STXBP5L: variants seen among roughly 807,000 people sequenced by gnomAD.
The protein encoded by STXBP5L is syntaxin-binding protein 5-like.
In STXBP5L, 65 loss-of-function variants were observed where a neutral mutation model predicts 144.5. The observed-to-expected ratio is 0.45, with a 90% CI of 0.37 to 0.55. The LOEUF is 0.55. Among genes scored for constraint, STXBP5L ranks in the 20% least tolerant of loss-of-function variants. The probability of loss-of-function intolerance (pLI) is 0.00; values close to 1 mark genes in which losing one functional copy is unlikely to be tolerated. For missense variants in STXBP5L, 1,298 were observed against 1,405.5 expected, an observed-to-expected ratio of 0.92 and a Z score of 1.22; for synonymous variants, 505 against 469.6, an observed-to-expected ratio of 1.08 and a Z score of -0.97.
intron 22 of STXBP5L, among the ~76,000 whole-genome samples, chr3:121,404,576 C>T (rs1215051313): frequency 6.6e-6 from 1 of 152,116 alleles, no homozygotes; most frequent in Non-Finnish European, 1.5e-5. Context: ...TGTGGCTCTA[C>T]TTTATCTCTC....
At chr3:120,915,143 G>C (rs140423338) in intron 2 of STXBP5L, among the ~76,000 whole-genome samples, 1 of 152,026 alleles carries the variant, frequency 6.6e-6, no homozygotes, top group Admixed American at 6.5e-5. Context: ...AAACAGTGCC[G>C]TCATACTTTT....
At chr3:121,333,703 C>T (rs1333996782) in intron 20 of STXBP5L, among the ~76,000 whole-genome samples, 1 of 151,954 alleles carries the variant, frequency 6.6e-6, no homozygotes, top group African/African-American at 2.4e-5. Context: ...TTACCACTGA[C>T]CCCAAAGAAA....
At chr3:121,410,565 C>T (rs2047092709) in intron 23 of STXBP5L, among the ~76,000 whole-genome samples, 1 of 151,958 alleles carries the variant, frequency 6.6e-6, no homozygotes, top group Non-Finnish European at 1.5e-5. Flanking sequence ...AGGTAACTCT[C>T]CTGAGCCCAG....
chr3:120,987,422 AAAT>A (rs1388805054), intron 3 of STXBP5L, among the ~76,000 whole-genome samples: 1 of 151,944 alleles, frequency 6.6e-6, no homozygotes, highest in African/African-American at 2.4e-5. Context: ...ATCTTCCTTG[AAAT>A]ATGTATTTAT....
chr3:121,247,930 C>T (rs867229293), intron 14 of STXBP5L, among the ~76,000 whole-genome samples: 2 of 152,350 alleles, frequency 1.3e-5, no homozygotes, highest in Non-Finnish European at 2.9e-5. Flanking sequence ...AATTTACATT[C>T]CTACCAACAA....
In STXBP5L at chr3:121,130,659, C is replaced by T. The variant is rs184344040; in HGVS notation, c.669+8955C>T. ...TCTACTAAGGGCTAACCCTGAATGA[C>T]CCTGGTAAAGAAAATCATCACAATT... On this transcript the variant is annotated intron_variant, in intron 7 of 26. Transcript: ENST00000471454. Among the ~76,000 whole-genome samples, 8 of 152,124 alleles carry T rather than the reference C, an allele frequency of 5.3e-5. No homozygotes were observed. The East Asian group carries it at 1.2e-3, about 22-fold the overall frequency.
chr3:121,310,627 G>A (rs1352549613), intron 19 of STXBP5L, among the ~76,000 whole-genome samples: 6 of 150,524 alleles, frequency 4.0e-5, no homozygotes, highest in African/African-American at 1.5e-4. Context: ...AAACAAAAGA[G>A]GCCAGGCATG....
At chr3:121,198,263 A>G (rs927982385) in intron 9 of STXBP5L, among the ~76,000 whole-genome samples, 1 of 151,992 alleles carries the variant, frequency 6.6e-6, no homozygotes, top group Non-Finnish European at 1.5e-5. Flanking sequence ...ACCTTTTTTC[A>G]TATCTTTCTT....
intron 5 of STXBP5L, among the ~76,000 whole-genome samples, chr3:121,082,514 A>T (rs1244354089): frequency 2.0e-5 from 3 of 152,192 alleles, no homozygotes; most frequent in African/African-American, 7.2e-5. Flanking sequence ...GACCCATTCC[A>T]TTGGACCAAG....
intron 7 of STXBP5L, among the ~76,000 whole-genome samples, chr3:121,128,086 T>C (rs535345815): frequency 2.6e-5 from 4 of 152,016 alleles, no homozygotes; most frequent in Non-Finnish European, 5.9e-5. Context: ...ACCAAAGGAA[T>C]TGAGGATATG....
intron 9 of STXBP5L, among the ~76,000 whole-genome samples, chr3:121,176,885 C>T (rs1189711500): frequency 6.6e-6 from 1 of 151,496 alleles, no homozygotes; most frequent in African/African-American, 2.4e-5. Context: ...ATTGAAGTAT[C>T]TAGAAAGAAG....
intron 5 of STXBP5L, among the ~76,000 whole-genome samples, chr3:121,105,085 G>T (rs1576970276): frequency 6.6e-6 from 1 of 152,098 alleles, no homozygotes; most frequent in East Asian, 1.9e-4. Context: ...CTAAGGACAT[G>T]AATAGACAGT....
rs557276722 is a variant in STXBP5L, at chr3:121,192,496, AAG to A, written c.878-13424_878-13423del. Among the ~76,000 whole-genome samples, 652 of 152,374 alleles carry A rather than the reference AAG, an allele frequency of 4.3e-3. 3 individuals are homozygous for A. The highest frequency in any genetic ancestry group is 0.01 in the Middle Eastern group (3 of 294). ...CTTTAAAGTTCATATGGAACCAAAA[AAG>A]AGCCCACATTACCAAGACAATCCAA... On this transcript the variant is annotated intron_variant, in intron 9 of 26. Transcript: ENST00000471454.
In STXBP5L at chr3:121,232,657, A is replaced by G. The variant is rs181920508; in HGVS notation, c.1112-959A>G. 3.9e-5 allele frequency among the ~76,000 whole-genome samples: 6 copies of G among 152,256 alleles called. No individual in the cohort carries two copies. The East Asian group carries it at 1.2e-3, about 29-fold the overall frequency. On this transcript the variant is annotated intron_variant, in intron 11 of 26. Transcript: ENST00000471454. The stretch of plus-strand genomic sequence containing the variant: ...ATTTGGGTCACCAACTTTGTTATTG[A>G]ACTAAACTGGGTCCATTTGCCCATG...
At chr3:121,088,687 C>A (rs1196779639) in intron 5 of STXBP5L, among the ~76,000 whole-genome samples, 1 of 53,276 alleles carries the variant, frequency 1.9e-5, no homozygotes, top group Non-Finnish European at 3.7e-5. Flanking sequence ...GACTTGGAAC[C>A]AACCCAAATG....
At chr3:121,350,345 C>A (rs984594971) in intron 20 of STXBP5L, among the ~76,000 whole-genome samples, 2 of 152,154 alleles carry the variant, frequency 1.3e-5, no homozygotes, top group African/African-American at 4.8e-5. Flanking sequence ...GTATGATGGG[C>A]TTCCCTTTGT....
Position 121,157,976 on chromosome 3 carries a change from G to A in STXBP5L, c.877+349G>A, listed in dbSNP as rs562272182. ...AGTGAGAGAATGGCACTATTTAGATGTGACTTTCAGAGTTAATTCCTATAC... is the reference window on the plus strand; with the variant it reads ...AGTGAGAGAATGGCACTATTTAGATATGACTTTCAGAGTTAATTCCTATAC... On this transcript the variant is annotated intron_variant, in intron 9 of 26. Transcript: ENST00000471454. The A allele has an allele frequency of 4.2e-4, 78 of 184,364 alleles. 1 individual carries two copies. Among genetic ancestry groups the A allele is most frequent in the Non-Finnish European group, 7.1e-4 (64 of 90,274 alleles). 11.4% of individuals were successfully genotyped at this position (184,364 alleles called of 1,614,324 possible).
intron 19 of STXBP5L, among the ~76,000 whole-genome samples, chr3:121,288,760 T>C (rs2108458891): frequency 1.3e-5 from 2 of 152,336 alleles, no homozygotes; most frequent in South Asian, 4.1e-4. Context: ...GATGCATAAT[T>C]TGCAAATATT....
intron 3 of STXBP5L, among the ~76,000 whole-genome samples, chr3:120,991,565 A>G (rs1942875496): frequency 6.6e-6 from 1 of 152,236 alleles, no homozygotes; most frequent in East Asian, 1.9e-4. Context: ...ACAATAGCAA[A>G]GACTTGGAAC....
Sources: allele counts gnomAD v4.1 joint callset (sites outside exome capture counted in the v4.1 genomes callset), GRCh38; gene constraint gnomAD v4.1.1; transcripts MANE v1.5; gene names NCBI Gene and HGNC (gene_info 2026-07-23, HGNC 2026-07-21).